BMPER: variants seen among roughly 807,000 people sequenced by gnomAD.
BMPER encodes the protein BMP-binding endothelial regulator protein.
Under a neutral mutation model 87.3 loss-of-function variants are expected in BMPER, and 45 were observed. That is an observed-to-expected ratio of 0.52 (90% CI 0.41 to 0.66). BMPER has a LOEUF of 0.66. Among genes scored for constraint, BMPER ranks in the 30% least tolerant of loss-of-function variants. BMPER has a pLI of 0.00. For synonymous variants in BMPER, 326 were observed against 316.2 expected, an observed-to-expected ratio of 1.03 and a Z score of -0.33; for missense variants, 784 against 867.5, an observed-to-expected ratio of 0.90 and a Z score of 1.21.
At chr7:34,005,157 G>C in intron 6 of BMPER, among the ~76,000 whole-genome samples, 1 of 152,052 alleles carries the variant, frequency 6.6e-6, no homozygotes, top group East Asian at 1.9e-4. Context: ...CTGACAGATA[G>C]GTAAAATAGT....
chr7:33,908,032 C>T (rs1428189896), intron 2 of BMPER, among the ~76,000 whole-genome samples: 1 of 152,160 alleles, frequency 6.6e-6, no homozygotes, highest in East Asian at 1.9e-4. Flanking sequence ...CGTTTGCTGA[C>T]ACAATAAATA....
chr7:34,088,709 G>A (rs1000658175), intron 13 of BMPER, among the ~76,000 whole-genome samples: 3 of 152,174 alleles, frequency 2.0e-5, no homozygotes, highest in South Asian at 2.1e-4. Flanking sequence ...AGGGTACAGC[G>A]CTGGCACACG....
intron 6 of BMPER, among the ~76,000 whole-genome samples, chr7:34,040,544 G>T (rs1214178839): frequency 1.3e-5 from 2 of 151,810 alleles, no homozygotes; most frequent in African/African-American, 4.8e-5. Context: ...TTTTACAAGA[G>T]TCCTGTGGGT....
At chr7:34,058,451 T>C (rs1487769804) in intron 10 of BMPER, among the ~76,000 whole-genome samples, 1 of 152,268 alleles carries the variant, frequency 6.6e-6, no homozygotes, top group East Asian at 1.9e-4. Context: ...TTTGTTTTCT[T>C]TTGCCAGGTT....
At chr7:34,014,769 T>C (rs1786975716) in intron 6 of BMPER, among the ~76,000 whole-genome samples, 1 of 151,988 alleles carries the variant, frequency 6.6e-6, no homozygotes. Context: ...CTAAATAAAA[T>C]AGTGAAGTCA....
chr7:34,105,395 T>A (rs1789792164), intron 13 of BMPER, among the ~76,000 whole-genome samples: 1 of 152,210 alleles, frequency 6.6e-6, no homozygotes, highest in Non-Finnish European at 1.5e-5. Flanking sequence ...CAATTTGGGT[T>A]TTGTTCTTCT....
intron 6 of BMPER, among the ~76,000 whole-genome samples, chr7:34,024,382 ACAATATATATAT>A (rs1562695154): frequency 1.9e-5 from 1 of 52,546 alleles, no homozygotes; most frequent in African/African-American, 1.1e-4. Flanking sequence ...AAAAAAAAAA[ACAATATATATAT>A]ATATATATAT....
chr7:33,926,848 A>G (rs1431509768), intron 2 of BMPER, among the ~76,000 whole-genome samples: 1 of 152,210 alleles, frequency 6.6e-6, no homozygotes, highest in Non-Finnish European at 1.5e-5. Context: ...CCTACCTGAC[A>G]TTACTTGGGC....
At chr7:34,016,464 T>G (rs1787029425) in intron 6 of BMPER, among the ~76,000 whole-genome samples, 1 of 151,992 alleles carries the variant, frequency 6.6e-6, no homozygotes, top group Non-Finnish European at 1.5e-5. Context: ...CTTTCCCTTC[T>G]CTTTTAAAAT....
At chr7:33,978,802 T>G (rs1442486441) in intron 6 of BMPER, among the ~76,000 whole-genome samples, 1 of 152,212 alleles carries the variant, frequency 6.6e-6, no homozygotes. Context: ...ACATTTATAT[T>G]AGCATATGGT....
chr7:33,994,306 G>A (rs1364723304), intron 6 of BMPER, among the ~76,000 whole-genome samples: 14 of 152,346 alleles, frequency 9.2e-5, no homozygotes, highest in Admixed American at 4.6e-4. Context: ...AGCCAGGTGC[G>A]GGATATAATC....
intron 14 of BMPER, among the ~76,000 whole-genome samples, chr7:34,143,588 A>G (rs1284238965): frequency 7.2e-5 from 11 of 152,196 alleles, no homozygotes; most frequent in Non-Finnish European, 2.9e-5. Context: ...TATTTAAGCA[A>G]TTTAAAGATT....
chr7:33,933,948 A>G (rs2128608170), intron 2 of BMPER, among the ~76,000 whole-genome samples: 1 of 152,346 alleles, frequency 6.6e-6, no homozygotes, highest in Middle Eastern at 3.4e-3. Flanking sequence ...AAAAAAATGC[A>G]CATAAGATTC....
At chr7:34,106,280 C>T (rs1208194176) in intron 13 of BMPER, among the ~76,000 whole-genome samples, 3 of 152,212 alleles carry the variant, frequency 2.0e-5, no homozygotes, top group African/African-American at 7.2e-5. Flanking sequence ...CTTTCATACC[C>T]TCTACTAGTT....
intron 6 of BMPER, among the ~76,000 whole-genome samples, chr7:34,007,702 AATTT>A (rs1256109839): frequency 1.3e-5 from 2 of 152,128 alleles, no homozygotes; most frequent in East Asian, 3.9e-4. Flanking sequence ...GTATAGGGGT[AATTT>A]ATTTATGCAT....
rs1333405285 is a variant in BMPER at position 34,027,560 on chromosome 7, T to C, written c.577-18746T>C. 2.0e-5 allele frequency among the ~76,000 whole-genome samples: 3 copies of C among 152,120 alleles called. No individual in the cohort carries two copies. In the East Asian group the frequency reaches 5.8e-4, roughly 29 times the overall value. On this transcript the variant is annotated intron_variant, in intron 6 of 14. Coordinates refer to ENST00000649409, the MANE Select transcript of BMPER (RefSeq NM_001365308.1). ...TGAATATCTAGAGGAAAAACACTTATGTGTTTATTTGAGTTGTGAACTGAC... is the reference window on the plus strand; with the variant it reads ...TGAATATCTAGAGGAAAAACACTTACGTGTTTATTTGAGTTGTGAACTGAC...
At chr7:34,012,049 T>A (rs1786896622) in intron 6 of BMPER, among the ~76,000 whole-genome samples, 1 of 151,882 alleles carries the variant, frequency 6.6e-6, no homozygotes, top group Non-Finnish European at 1.5e-5. Context: ...AAGATAAAAT[T>A]GGTAAGGGGC....
intron 3 of BMPER, among the ~76,000 whole-genome samples, chr7:33,964,064 G>T (rs1785341215): frequency 6.6e-6 from 1 of 152,156 alleles, no homozygotes; most frequent in Admixed American, 6.5e-5. Context: ...TTTATTTTTG[G>T]AGTACATATA....
chr7:33,941,427 C>A (rs182939560), intron 3 of BMPER, among the ~76,000 whole-genome samples: 1 of 151,478 alleles, frequency 6.6e-6, no homozygotes, highest in African/African-American at 2.4e-5. Flanking sequence ...ATGATTCAAA[C>A]GTATTACATT....
Sources: gnomAD v4.1 joint callset for allele counts (sites outside exome capture counted in the v4.1 genomes callset) on GRCh38, gnomAD v4.1.1 for gene constraint, MANE v1.5 for transcripts, NCBI Gene and HGNC (gene_info 2026-07-23, HGNC 2026-07-21) for gene names.